The following RBMS1 variants were observed in gnomAD, a reference collection of about 807,000 sequenced individuals.
RBMS1 encodes the protein RNA binding motif single stranded interacting protein 1, also known as RNA-binding motif, single-stranded-interacting protein 1.
A neutral mutation model predicts 62.3 loss-of-function variants in RBMS1; 17 were observed. That is an observed-to-expected ratio of 0.27 (90% CI 0.19 to 0.41). The LOEUF is 0.41. RBMS1 is among the 10% of genes least tolerant of loss of function. RBMS1 has a pLI of 1.00. For synonymous variants in RBMS1, 172 were observed against 170.0 expected (o/e 1.01, Z -0.09); for missense variants, 334 against 504.5 (o/e 0.66, Z 3.24).
chr2:160,348,266 A>T (rs908646945), intron 2 of RBMS1, among the ~76,000 whole-genome samples: 2 of 152,112 alleles, frequency 1.3e-5, no homozygotes, highest in Non-Finnish European at 2.9e-5. Flanking sequence ...TATCCTCTTC[A>T]CCAGAGGAAT....
At chr2:160,348,239 A>G (rs917292564) in intron 2 of RBMS1, among the ~76,000 whole-genome samples, 10 of 152,132 alleles carry the variant, frequency 6.6e-5, no homozygotes, top group African/African-American at 2.2e-4. Flanking sequence ...GGTATTTTAA[A>G]GGTGTCTCAT....
chr2:160,422,739 C>A (rs1471119825), intron 1 of RBMS1, among the ~76,000 whole-genome samples: 1 of 151,884 alleles, frequency 6.6e-6, no homozygotes, highest in East Asian at 1.9e-4. Flanking sequence ...TTCATCCTAT[C>A]TTTAAAATAA....
intron 1 of RBMS1, among the ~76,000 whole-genome samples, chr2:160,486,007 C>T (rs930957403): frequency 6.6e-6 from 1 of 151,898 alleles, no homozygotes; most frequent in Non-Finnish European, 1.5e-5. Context: ...GTAAAGTTGA[C>T]GATATTACAA....
intron 1 of RBMS1, among the ~76,000 whole-genome samples, chr2:160,381,087 A>T (rs780234393): frequency 1.3e-5 from 2 of 152,184 alleles, no homozygotes; most frequent in Non-Finnish European, 2.9e-5. Context: ...ACATGTAGAA[A>T]CTTGGTCTGC....
chr2:160,472,989 T>G (rs1436956565), intron 1 of RBMS1, among the ~76,000 whole-genome samples: 1 of 152,230 alleles, frequency 6.6e-6, no homozygotes, highest in Non-Finnish European at 1.5e-5. Flanking sequence ...ACTATGTTGT[T>G]TAATTGTATA....
intron 2 of RBMS1, among the ~76,000 whole-genome samples, chr2:160,338,220 T>C (rs957631758): frequency 5.3e-5 from 8 of 152,130 alleles, no homozygotes; most frequent in African/African-American, 1.9e-4. Context: ...TGCATCCAAA[T>C]TGGAAATTAA....
chr2:160,298,921 C>G (rs536574855), intron 6 of RBMS1, among the ~76,000 whole-genome samples: 2 of 150,986 alleles, frequency 1.3e-5, no homozygotes, highest in Admixed American at 1.3e-4. Context: ...GGGGAGAAGA[C>G]AGCCATCTAC....
chr2:160,292,052 T>A (rs893290271), intron 6 of RBMS1, among the ~76,000 whole-genome samples: 26 of 152,228 alleles, frequency 1.7e-4, no homozygotes, highest in African/African-American at 5.3e-4. Flanking sequence ...TTTATTTGCA[T>A]AGTTTATTAT....
chr2:160,493,659 C>T lies in RBMS1; in HGVS notation c.-296G>A, dbSNP rs2105373953. On this transcript the variant is annotated 5_prime_UTR_variant, in exon 1 of 14. Transcript: ENST00000348849. ...CGGACAGGGCGCTCCCAAGGAGTTTCCTCCCGGAGCCCGACTGCTCCGGGG... is the reference window on the plus strand; with the variant it reads ...CGGACAGGGCGCTCCCAAGGAGTTTTCTCCCGGAGCCCGACTGCTCCGGGG... 3 of 475,430 alleles carry T rather than the reference C, an allele frequency of 6.3e-6. No individual in the cohort carries two copies. The South Asian group carries it at 6.8e-5, about 11-fold the overall frequency. The allele number at this position is 475,430 out of a possible 1,614,324, so 29.5% of individuals were successfully genotyped here. A position where few individuals can be genotyped will look rare whatever the true frequency, so the allele number is the denominator to read the frequency against.
chr2:160,313,013 C>T lies in RBMS1; in HGVS notation c.402+143G>A, dbSNP rs189726510. ...TGCACAATAGTGACTGTGGAGGCTG[C>T]GGAGGCACAGGACAAGTGTCCAGAA... On this transcript the variant is annotated intron_variant, in intron 4 of 13. Coordinates refer to ENST00000348849, the MANE Select transcript of RBMS1 (RefSeq NM_016836.4). 9.9e-3 allele frequency: 6,109 copies of T among 619,710 alleles called. 32 individuals are homozygous for T. Among genetic ancestry groups the T allele is most frequent in the Non-Finnish European group, 0.013 (4,752 of 354,262 alleles). 38.4% of individuals were successfully genotyped at this position (619,710 alleles called of 1,614,324 possible). A position where few individuals can be genotyped will look rare whatever the true frequency, so the allele number is the denominator to read the frequency against.
At chr2:160,296,509 A>G (rs995310551) in intron 6 of RBMS1, among the ~76,000 whole-genome samples, 16 of 152,242 alleles carry the variant, frequency 1.1e-4, no homozygotes, top group African/African-American at 3.9e-4. Context: ...GCTAAAGATA[A>G]AACAGTGGAG....
At chr2:160,375,861 CAA>C (rs1380366399) in intron 1 of RBMS1, among the ~76,000 whole-genome samples, 1 of 145,186 alleles carries the variant, frequency 6.9e-6, no homozygotes, top group Non-Finnish European at 1.5e-5. Context: ...GGGACAAGAG[CAA>C]ACTCTTCCTT....
Position 160,468,103 on chromosome 2 carries a change from A to G in RBMS1, c.75+25186T>C, listed in dbSNP as rs186936361. Among the ~76,000 whole-genome samples, 207 of 152,326 alleles carry G rather than the reference A, an allele frequency of 1.4e-3. 2 individuals carry two copies. The highest frequency in any genetic ancestry group is 3.4e-3 in the Middle Eastern group (1 of 294). On this transcript the variant is annotated intron_variant, in intron 1 of 13. Transcript: ENST00000348849. The stretch of plus-strand genomic sequence containing the variant: ...ATGACCCACTGAAACATGCCATCAA[A>G]TGTAAGACACACCCCAACTTCAGGG...
chr2:160,398,253 C>T (rs1346280727), intron 1 of RBMS1, among the ~76,000 whole-genome samples: 1 of 152,174 alleles, frequency 6.6e-6, no homozygotes, highest in African/African-American at 2.4e-5. Flanking sequence ...CTTCCATATT[C>T]CTTTGAGGTG....
intron 1 of RBMS1, among the ~76,000 whole-genome samples, chr2:160,367,776 T>C (rs984144450): frequency 1.9e-4 from 29 of 152,172 alleles, no homozygotes; most frequent in Non-Finnish European, 1.5e-5. Context: ...TGAAGAACGT[T>C]TGATTGAAAG....
chr2:160,401,661 A>G (rs921934353), intron 1 of RBMS1, among the ~76,000 whole-genome samples: 1 of 152,208 alleles, frequency 6.6e-6, no homozygotes, highest in Admixed American at 6.5e-5. Context: ...AAACAAGACA[A>G]AGGAAAGAAT....
chr2:160,286,611 C>T (rs934197640), intron 7 of RBMS1, among the ~76,000 whole-genome samples: 5 of 152,044 alleles, frequency 3.3e-5, no homozygotes, highest in African/African-American at 4.8e-5. Context: ...TGAGCCACCG[C>T]GCCTAGCCTA....
intron 2 of RBMS1, among the ~76,000 whole-genome samples, chr2:160,358,959 A>G (rs1692962280): frequency 6.6e-6 from 1 of 152,168 alleles, no homozygotes; most frequent in Non-Finnish European, 1.5e-5. Context: ...AAAAAAACAG[A>G]AAATTCAAAC....
At chr2:160,442,227 C>G (rs1683437871) in intron 1 of RBMS1, among the ~76,000 whole-genome samples, 1 of 152,188 alleles carries the variant, frequency 6.6e-6, no homozygotes. Flanking sequence ...TTTGCCTACT[C>G]TGAGATCACA....
Sources: gnomAD v4.1 joint callset for allele counts (sites outside exome capture counted in the v4.1 genomes callset) on GRCh38, gnomAD v4.1.1 for gene constraint, MANE v1.5 for transcripts, NCBI Gene and HGNC (gene_info 2026-07-23, HGNC 2026-07-21) for gene names.